The following UQCC6 variants were observed in gnomAD, a reference collection of about 807,000 sequenced individuals.
The protein encoded by UQCC6 is ubiquinol-cytochrome c reductase complex assembly factor 6.
the UQCC6 span, among the ~76,000 whole-genome samples, chr12:103,964,519 TGA>T: frequency 6.6e-6 from 1 of 152,160 alleles, no homozygotes; most frequent in Non-Finnish European, 1.5e-5. Context: ...CAACCCACAG[TGA>T]GAGAAGCCCT....
At chr12:103,960,952 TA>T in the UQCC6 span, among the ~76,000 whole-genome samples, 6 of 150,096 alleles carry the variant, frequency 4.0e-5, no homozygotes, top group East Asian at 3.9e-4. Flanking sequence ...TATTCTTTTT[TA>T]AAAAAAAAAG....
chr12:103,952,035 T>C, the UQCC6 span, among the ~76,000 whole-genome samples: 1 of 152,254 alleles, frequency 6.6e-6, no homozygotes, highest in Non-Finnish European at 1.5e-5. Context: ...GTGCCTATTA[T>C]ATGCAAAGCA....
At chr12:103,956,755 G>T in the UQCC6 span, 2 of 1,502,388 alleles carry the variant, frequency 1.3e-6, no homozygotes, top group Non-Finnish European at 1.8e-6. Flanking sequence ...CAGGCTGGAC[G>T]GGGAAGGAAG....
the UQCC6 span, among the ~76,000 whole-genome samples, chr12:103,959,638 G>A: frequency 6.6e-6 from 1 of 151,798 alleles, no homozygotes; most frequent in Admixed American, 6.6e-5. Context: ...CTTGAATCCA[G>A]GAGGTGGAGG....
the UQCC6 span, among the ~76,000 whole-genome samples, chr12:103,956,145 C>A: frequency 6.7e-6 from 1 of 150,204 alleles, no homozygotes; most frequent in Non-Finnish European, 1.5e-5. Flanking sequence ...GGGAGCTAAC[C>A]CAAGGACCCT....
At chr12:103,956,697 G>T in the UQCC6 span, 5 of 1,551,614 alleles carry the variant, frequency 3.2e-6, no homozygotes, top group African/African-American at 6.8e-5. Context: ...GACTGGCTGC[G>T]AACATTTTCA....
the UQCC6 span, chr12:103,957,284 G>C: frequency 6.6e-6 from 1 of 151,972 alleles, no homozygotes; most frequent in Non-Finnish European, 1.5e-5. Context: ...CGCAGAGGAG[G>C]TGGGGCGCTG....
At chr12:103,953,413 C>G in the UQCC6 span, 6 of 702,288 alleles carry the variant, frequency 8.5e-6, no homozygotes, top group Non-Finnish European at 1.3e-5. Flanking sequence ...ACTAAAAGCA[C>G]CTGTAGCAGT....
chr12:103,954,839 G>C, the UQCC6 span: 28 of 663,728 alleles, frequency 4.2e-5, no homozygotes, highest in Non-Finnish European at 6.8e-5. Context: ...AAGAGTATTG[G>C]ATTATTTTAT....
chr12:103,956,699 A>T, the UQCC6 span: 2 of 1,551,722 alleles, frequency 1.3e-6, no homozygotes, highest in Non-Finnish European at 1.7e-6. Context: ...CTGGCTGCGA[A>T]CATTTTCAGG....
the UQCC6 span, chr12:103,956,413 A>T: frequency 7.9e-6 from 4 of 505,370 alleles, no homozygotes; most frequent in Non-Finnish European, 1.1e-5. Flanking sequence ...CTCACAGGCC[A>T]TGCATTGCCC....
the UQCC6 span, among the ~76,000 whole-genome samples, chr12:103,955,282 A>C: frequency 2.6e-5 from 4 of 152,060 alleles, no homozygotes; most frequent in African/African-American, 9.6e-5. Context: ...GTGCCACTGC[A>C]CTCCAGCCTG....
chr12:103,960,598 T>C, the UQCC6 span, among the ~76,000 whole-genome samples: 1 of 152,140 alleles, frequency 6.6e-6, no homozygotes, highest in Non-Finnish European at 1.5e-5. Context: ...AACATAAAAA[T>C]CCTTGGACAC....
the UQCC6 span, among the ~76,000 whole-genome samples, chr12:103,957,729 T>C: frequency 8.6e-5 from 13 of 152,030 alleles, no homozygotes; most frequent in Non-Finnish European, 1.3e-4. Context: ...GATTATTGGT[T>C]GTTTTTTAAG....
chr12:103,952,701 GCCA>G, the UQCC6 span, among the ~76,000 whole-genome samples: 1 of 152,210 alleles, frequency 6.6e-6, no homozygotes, highest in African/African-American at 2.4e-5. Context: ...TTTTACTACA[GCCA>G]TTGTAGTGGG....
chr12:103,955,876 A>C, the UQCC6 span: 1 of 442,048 alleles, frequency 2.3e-6, no homozygotes, highest in South Asian at 1.6e-5. Flanking sequence ...CTAGTTCCTA[A>C]TGAATGCTTA....
the UQCC6 span, among the ~76,000 whole-genome samples, chr12:103,960,207 A>G: frequency 6.6e-6 from 1 of 152,102 alleles, no homozygotes; most frequent in African/African-American, 2.4e-5. Flanking sequence ...AGTAGCTTGA[A>G]TTACAGGCAG....
the UQCC6 span, among the ~76,000 whole-genome samples, chr12:103,957,554 C>G: frequency 0.011 from 1,670 of 152,154 alleles, 25 homozygotes; most frequent in Middle Eastern, 0.02. Context: ...CTCCTGTGAC[C>G]TCTTAAGAGT....
At chr12:103,956,932 G>A in the UQCC6 span, 1 of 561,476 alleles carries the variant, frequency 1.8e-6, no homozygotes, top group Non-Finnish European at 3.2e-6. Flanking sequence ...GCACTGAGAG[G>A]ACGAACGCCC....
Sources: gnomAD v4.1 joint callset for allele counts (sites outside exome capture counted in the v4.1 genomes callset) on GRCh38, gnomAD v4.1.1 for gene constraint, MANE v1.5 for transcripts, NCBI Gene and HGNC (gene_info 2026-07-23, HGNC 2026-07-21) for gene names.